Variants in POLD1 observed in about 807,000 individuals in gnomAD.
POLD1 encodes DNA polymerase delta catalytic subunit.
Under a neutral mutation model 129.7 loss-of-function variants are expected in POLD1, and 79 were observed. That is an observed-to-expected ratio of 0.61 (90% CI 0.51 to 0.73). POLD1 has a LOEUF of 0.73. Among genes scored for constraint, POLD1 ranks in the 30% least tolerant of loss-of-function variants. The probability of loss-of-function intolerance (pLI) is 0.00; values close to 1 mark genes in which losing one functional copy is unlikely to be tolerated. For missense variants in POLD1, 1,338 were observed against 1,595.8 expected, an observed-to-expected ratio of 0.84 and a Z score of 2.75; for synonymous variants, 714 against 683.3, an observed-to-expected ratio of 1.04 and a Z score of -0.70.
Position 50,414,796 on chromosome 19 carries a change from G to C in POLD1, c.2389-19G>C, listed in dbSNP as rs770832864. The C allele has an allele frequency of 2.6e-6, 4 of 1,513,222 alleles. No homozygotes were observed. Among genetic ancestry groups the C allele is most frequent in the Non-Finnish European group, 2.7e-6 (3 of 1,123,178 alleles). 93.7% of individuals were successfully genotyped at this position (1,513,222 alleles called of 1,614,324 possible). On this transcript the variant is annotated intron_variant, in intron 19 of 26. Transcript: ENST00000440232. The stretch of plus-strand genomic sequence containing the variant: ...TTGGCCTCCTCAGGCTCAGGGTCTT[G>C]GCCATGGCTCCCTCCCAGGTCTACT...
intron 1 of POLD1, among the ~76,000 whole-genome samples, chr19:50,388,350 G>T (rs2038038424): frequency 6.6e-6 from 1 of 152,124 alleles, no homozygotes; most frequent in South Asian, 2.1e-4. Context: ...AAAGCAGTTA[G>T]CAAATGAAGT....
At chr19:50,386,477 G>A (rs1335738092) in intron 1 of POLD1, among the ~76,000 whole-genome samples, 1 of 152,200 alleles carries the variant, frequency 6.6e-6, no homozygotes, top group Non-Finnish European at 1.5e-5. Flanking sequence ...TGTGCAGAGT[G>A]ATGCTGGAGA....
chr19:50,417,676 C>A (rs942275801), intron 26 of POLD1, among the ~76,000 whole-genome samples, 166 bp from the exon 27 acceptor site: 5 of 117,836 alleles, frequency 4.2e-5, no homozygotes, highest in Non-Finnish European at 6.9e-5. Flanking sequence ...TCGGCTCCCC[C>A]CCCCCACCCC....
intron 17 of POLD1, among the ~76,000 whole-genome samples, chr19:50,412,764 T>TTGTG (rs71707090): frequency 9.3e-5 from 14 of 150,530 alleles, no homozygotes; most frequent in African/African-American, 3.2e-4. Flanking sequence ...TTTTTTAGTT[T>TTGTG]TGTGTGTGTG....
chr19:50,397,353 C>T (rs1057241171), intron 1 of POLD1, among the ~76,000 whole-genome samples: 8 of 150,350 alleles, frequency 5.3e-5, no homozygotes, highest in African/African-American at 1.7e-4. Flanking sequence ...TGCAGTGAAT[C>T]GAGATTGTGC....
In POLD1 at chr19:50,413,477, G is replaced by T; in HGVS notation, c.2206G>T (p.Glu736Ter). ...GATCGAGAAAACCAAGCAGCTGGTG[G>T]AGTCTAAGTACACAGTGGAGAATGG... is the stretch of plus-strand genomic sequence containing the variant. ...QMIEKTKQLVESKYTVENGYS... is the reference protein window; with the variant it reads ...QMIEKTKQLV Residue 736 changes from glutamate to a stop codon, truncating the protein, a stop_gained, in exon 18 of 27, where the codon GAG (glutamate) becomes TAG (stop). Transcript: ENST00000440232. LOFTEE classifies it high-confidence loss of function. 1 of 1,613,092 alleles carries T rather than the reference G, an allele frequency of 6.2e-7. No homozygotes were observed. The highest frequency in any genetic ancestry group is 8.5e-7 in the Non-Finnish European group (1 of 1,179,466).
In POLD1 at chr19:50,408,857, G is replaced by A. The variant is rs2122368825; in HGVS notation, c.1848G>A (p.Leu616=). 6.2e-7 allele frequency: 1 copy of A among 1,613,964 alleles called. No individual in the cohort carries two copies. Among genetic ancestry groups the A allele is most frequent in the South Asian group, 1.1e-5 (1 of 91,074 alleles). The change falls in exon 15 of 27, where the codon CTG becomes CTA. Residue 616 remains leucine (L), a synonymous_variant. Transcript: ENST00000440232. ...CGTCCATCATGATGGCCCACAACCTGTGTTACACCACGCTCCTTCGGCCCG... is the reference window on the plus strand; with the variant it reads ...CGTCCATCATGATGGCCCACAACCTATGTTACACCACGCTCCTTCGGCCCG... ...LYPSIMMAHN[L]CYTTLLRPGT...
intron 1 of POLD1, among the ~76,000 whole-genome samples, chr19:50,386,793 ACC>A (rs1356885494): frequency 6.6e-6 from 1 of 152,168 alleles, no homozygotes; most frequent in Non-Finnish European, 1.5e-5. Flanking sequence ...GAAGACACAC[ACC>A]CAGGCAGTCC....
intron 10 of POLD1, among the ~76,000 whole-genome samples, chr19:50,405,186 C>T (rs1376462257): frequency 6.6e-6 from 1 of 152,208 alleles, no homozygotes. Flanking sequence ...GCTGGGATTA[C>T]AGGTGTGAGC....
At position 50,401,890 on chromosome 19, in the gene POLD1, C is replaced by T. The variant is rs372244044; in HGVS notation, c.429C>T (p.Gly143=). ...TCTCTGTCTGCTGCCACATCCACGG[C>T]TTCGCTCCCTACTTCTACACCCCAG... is the stretch of plus-strand genomic sequence containing the variant. The part of the protein sequence containing the change: ...EGFSVCCHIH[G]FAPYFYTPAP... The change falls in exon 4 of 27, where the codon GGC becomes GGT. Residue 143 remains glycine, a synonymous_variant. Transcript: ENST00000440232. 6.2e-7 allele frequency: 1 copy of T among 1,613,940 alleles called. No individual in the cohort carries two copies. The highest frequency in any genetic ancestry group is 1.3e-5 in the African/African-American group (1 of 74,920).
intron 1 of POLD1, among the ~76,000 whole-genome samples, chr19:50,394,532 G>A (rs2038277163): frequency 6.6e-6 from 1 of 152,078 alleles, no homozygotes; most frequent in African/African-American, 2.4e-5. Flanking sequence ...GTGGACGCCT[G>A]TAATCCCAGC....
intron 17 of POLD1, among the ~76,000 whole-genome samples, chr19:50,411,491 C>T (rs888526611): frequency 6.9e-6 from 1 of 144,974 alleles, no homozygotes; most frequent in African/African-American, 2.4e-5. Flanking sequence ...GTCTCTTGAC[C>T]TCTTTCCTTA....
At chr19:50,392,697 G>A (rs908415606) in intron 1 of POLD1, among the ~76,000 whole-genome samples, 2 of 151,892 alleles carry the variant, frequency 1.3e-5, no homozygotes, top group African/African-American at 4.8e-5. Context: ...GGCTGGTCTG[G>A]AACTCTTGAC....
chr19:50,397,054 G>A (rs528666075), intron 1 of POLD1, among the ~76,000 whole-genome samples: 10 of 138,778 alleles, frequency 7.2e-5, no homozygotes, highest in African/African-American at 2.5e-4. Context: ...TCGCACCACT[G>A]CACTCCAGCC....
At chr19:50,408,151 A>G (rs900740758) in intron 14 of POLD1, among the ~76,000 whole-genome samples, 3 of 151,408 alleles carry the variant, frequency 2.0e-5, no homozygotes, top group Non-Finnish European at 2.9e-5. Context: ...CCTGGCTAAC[A>G]CGGTGAAACC....
In POLD1 at chr19:50,417,832, C is replaced by A; in HGVS notation, c.3219-10C>A. On this transcript the variant is annotated splice_polypyrimidine_tract_variant and intron_variant, in intron 26 of 26. Coordinates refer to ENST00000440232, the MANE Select transcript of POLD1 (RefSeq NM_002691.4). ...GCTGGTCCTGACCCTGCCCCTGCCC[C>A]CACCCGCAGCCGGGACTGCCCCATC... 6.4e-7 allele frequency: 1 copy of A among 1,574,102 alleles called. No homozygotes were observed. Among genetic ancestry groups the A allele is most frequent in the East Asian group, 2.3e-5 (1 of 43,336 alleles).
intron 17 of POLD1, 106 bp from the exon 18 acceptor site, chr19:50,413,320 G>A (rs2122435646): frequency 1.6e-5 from 14 of 892,054 alleles, no homozygotes; most frequent in Non-Finnish European, 1.6e-5. Context: ...TTGTACATAA[G>A]CCTATGCCAC....
chr19:50,400,211 ATT>A (rs549820323), intron 3 of POLD1, among the ~76,000 whole-genome samples: 7 of 67,810 alleles, frequency 1.0e-4, no homozygotes, highest in African/African-American at 2.0e-4. Flanking sequence ...CTGGCCAATA[ATT>A]TTTTTTTTTT....
chr19:50,398,669 A>T (rs1009335259), intron 1 of POLD1, among the ~76,000 whole-genome samples, 182 bp from the exon 2 acceptor site: 5 of 151,948 alleles, frequency 3.3e-5, no homozygotes, highest in Non-Finnish European at 7.4e-5. Context: ...GCAGTAGCTA[A>T]CAATTGAGCG....
Sources: allele counts gnomAD v4.1 joint callset (sites outside exome capture counted in the v4.1 genomes callset), GRCh38; gene constraint gnomAD v4.1.1; transcripts MANE v1.5; gene names NCBI Gene and HGNC (gene_info 2026-07-23, HGNC 2026-07-21).